Variants in NUP98 observed in about 807,000 individuals in gnomAD.
NUP98 encodes nucleoporin 98 and 96 precursor.
Under a neutral mutation model 191.9 loss-of-function variants are expected in NUP98, and 26 were observed. That is an observed-to-expected ratio of 0.14 (90% CI 0.10 to 0.19). The LOEUF is 0.19. Among genes scored for constraint, NUP98 ranks in the 10% least tolerant of loss-of-function variants. The pLI is 1.00. For synonymous variants in NUP98, 808 were observed against 778.4 expected (o/e 1.04, Z -0.63); for missense variants, 1,941 against 2,178.8 (o/e 0.89, Z 2.17).
In NUP98 at chr11:3,732,563, A is replaced by G. The variant is rs564924562; in HGVS notation, c.1543-985T>C. Among the ~76,000 whole-genome samples the G allele has an allele frequency of 3.9e-5, 6 of 152,334 alleles. No homozygotes were observed. The East Asian group carries it at 1.2e-3, about 29-fold the overall frequency. Reference sequence around the variant, plus strand: ...AAAAAAAAGGCAGATACTAGCTTGTATTTATCCATCTTTTAGTAAACATTA... The same window carrying G: ...AAAAAAAAGGCAGATACTAGCTTGTGTTTATCCATCTTTTAGTAAACATTA... On this transcript the variant is annotated intron_variant, in intron 13 of 32. Coordinates refer to ENST00000324932, the MANE Select transcript of NUP98 (RefSeq NM_016320.5).
chr11:3,749,396 T>C (rs2080653431), intron 11 of NUP98, among the ~76,000 whole-genome samples: 1 of 151,598 alleles, frequency 6.6e-6, no homozygotes, highest in Admixed American at 6.6e-5. Context: ...AGGCCGAGGC[T>C]GGTGGATCAC....
At chr11:3,736,904 T>C (rs967883225) in intron 12 of NUP98, among the ~76,000 whole-genome samples, 4 of 152,116 alleles carry the variant, frequency 2.6e-5, no homozygotes, top group Non-Finnish European at 5.9e-5. Context: ...ATTCACATAA[T>C]ATAAACTGAA....
At chr11:3,768,787 A>AAAAATGT in intron 7 of NUP98, 43 bp from the exon 8 acceptor site, 1 of 1,444,344 alleles carries the variant, frequency 6.9e-7, no homozygotes, top group Non-Finnish European at 9.2e-7. Context: ...AAATAATAAA[A>AAAAATGT]AAAATGTAAA....
chr11:3,695,798 T>C (rs2078484467), intron 25 of NUP98, among the ~76,000 whole-genome samples, 192 bp from the exon 26 acceptor site: 1 of 152,142 alleles, frequency 6.6e-6, no homozygotes, highest in Non-Finnish European at 1.5e-5. Context: ...ATTTGCAAAG[T>C]AGTTTAACCT....
intron 12 of NUP98, among the ~76,000 whole-genome samples, chr11:3,738,985 C>G (rs549778854): frequency 1.3e-5 from 2 of 152,032 alleles, no homozygotes; most frequent in Non-Finnish European, 2.9e-5. Context: ...ACAAGGCACA[C>G]TCACATAGTT....
chr11:3,761,120 C>A (rs1234140837), intron 9 of NUP98, among the ~76,000 whole-genome samples: 1 of 152,094 alleles, frequency 6.6e-6, no homozygotes, highest in Non-Finnish European at 1.5e-5. Context: ...ATGGTCAAAT[C>A]CATAGAGAGA....
chr11:3,761,203 T>A (rs561514258), intron 9 of NUP98, among the ~76,000 whole-genome samples: 1 of 152,208 alleles, frequency 6.6e-6, no homozygotes, highest in Non-Finnish European at 1.5e-5. Context: ...TTTGGCATAA[T>A]GAGTATGTTC....
intron 24 of NUP98, among the ~76,000 whole-genome samples, chr11:3,699,999 A>G (rs761368035): frequency 3.3e-5 from 5 of 152,238 alleles, no homozygotes; most frequent in Non-Finnish European, 7.3e-5. Context: ...AGGAATTACA[A>G]CAAAGCTGTT....
Position 3,726,691 on chromosome 11 carries a change from CCAAA to C in NUP98, c.1731-1476_1731-1473del, listed in dbSNP as rs373408709. Among the ~76,000 whole-genome samples, 443 of 151,986 alleles carry C rather than the reference CCAAA, an allele frequency of 2.9e-3. 2 individuals are homozygous for C. Among genetic ancestry groups the C allele is most frequent in the African/African-American group, 9.2e-3 (380 of 41,470 alleles). The stretch of plus-strand genomic sequence containing the variant: ...CTCTAACTCTTAAATACTTTTTCCC[CCAAA>C]CAGTCTTATAAATACTACTTCAGAC... On this transcript the variant is annotated intron_variant, in intron 14 of 32. Coordinates refer to ENST00000324932, the MANE Select transcript of NUP98 (RefSeq NM_016320.5).
chr11:3,684,654 GA>G (rs1331480044), intron 29 of NUP98, among the ~76,000 whole-genome samples: 2 of 150,380 alleles, frequency 1.3e-5, no homozygotes, highest in Non-Finnish European at 2.9e-5. Context: ...ACTGCTTAAA[GA>G]AAGAGAAATT....
At chr11:3,739,920 T>C (rs780869202) in intron 12 of NUP98, among the ~76,000 whole-genome samples, 2 of 152,220 alleles carry the variant, frequency 1.3e-5, no homozygotes, top group African/African-American at 4.8e-5. Context: ...CTCCACCTTA[T>C]GATTTTCCTA....
intron 7 of NUP98, among the ~76,000 whole-genome samples, chr11:3,769,194 G>T (rs188150330): frequency 6.7e-4 from 102 of 152,288 alleles, no homozygotes; most frequent in African/African-American, 2.4e-3. Flanking sequence ...GGAGGCCAAG[G>T]CAGGAGGATC....
chr11:3,693,075 GA>G (rs2078369077), intron 27 of NUP98, 156 bp downstream of exon 27: 1 of 690,612 alleles, frequency 1.4e-6, no homozygotes, highest in Non-Finnish European at 2.4e-6. Context: ...GGAATCTCAT[GA>G]TATTTAATAA....
chr11:3,693,187 T>A, intron 27 of NUP98, 45 bp downstream of exon 27: 1 of 1,606,744 alleles, frequency 6.2e-7, no homozygotes, highest in Non-Finnish European at 8.5e-7. Context: ...GACAATACTT[T>A]AACACCCAGC....
intron 1 of NUP98, among the ~76,000 whole-genome samples, chr11:3,793,946 G>C (rs1313520351): frequency 6.6e-6 from 1 of 152,034 alleles, no homozygotes; most frequent in African/African-American, 2.4e-5. Context: ...TCCAGCCGGG[G>C]CAACAAGAGC....
At position 3,747,960 on chromosome 11, in the gene NUP98, T is replaced by C. The variant is rs1021605248; in HGVS notation, c.1268-3311A>G. ...TGTGCTTGCTGACTCACAATTCTCA[T>C]TTCCCTACATGATATGCTGCTGCTA... On this transcript the variant is annotated intron_variant, in intron 11 of 32. Transcript: ENST00000324932. 2.6e-5 allele frequency among the ~76,000 whole-genome samples: 4 copies of C among 152,198 alleles called. No homozygotes were observed. In the East Asian group the frequency reaches 5.8e-4, roughly 22 times the overall value.
At chr11:3,726,452 G>C (rs1182142242) in intron 14 of NUP98, among the ~76,000 whole-genome samples, 1 of 143,234 alleles carries the variant, frequency 7.0e-6, no homozygotes, top group Non-Finnish European at 1.5e-5. Context: ...TGGTCAAACA[G>C]AAAAAGAGAA....
chr11:3,794,804 G>C (rs1269924477), intron 1 of NUP98, among the ~76,000 whole-genome samples: 1 of 152,116 alleles, frequency 6.6e-6, no homozygotes, highest in Non-Finnish European at 1.5e-5. Flanking sequence ...CGTAGAGACA[G>C]GGTTTCCCCA....
At chr11:3,769,957 C>T (rs893828845) in intron 7 of NUP98, among the ~76,000 whole-genome samples, 2 of 150,838 alleles carry the variant, frequency 1.3e-5, no homozygotes, top group South Asian at 2.1e-4. Flanking sequence ...GGCAGAGAAT[C>T]GCTTGAACCC....
Sources: allele counts gnomAD v4.1 joint callset (sites outside exome capture counted in the v4.1 genomes callset), GRCh38; gene constraint gnomAD v4.1.1; transcripts MANE v1.5; gene names NCBI Gene and HGNC (gene_info 2026-07-23, HGNC 2026-07-21).